Variants in SLC35F1 observed in about 807,000 individuals in gnomAD.
SLC35F1 encodes the protein solute carrier family 35 member F1.
A neutral mutation model predicts 48.7 loss-of-function variants in SLC35F1; 14 were observed. The ratio of observed to expected loss-of-function variants is 0.29; its 90% CI spans 0.19 to 0.45. The LOEUF is 0.45. SLC35F1 is among the 20% of genes least tolerant of loss of function. The pLI is 1.00. For missense variants in SLC35F1, 404 were observed against 500.0 expected (o/e 0.81, Z 1.83); for synonymous variants, 190 against 202.2 (o/e 0.94, Z 0.51).
At chr6:118,154,358 C>A (rs958550217) in intron 1 of SLC35F1, 87 bp from the exon 2 acceptor site, 6 of 1,140,554 alleles carry the variant, frequency 5.3e-6, no homozygotes, top group South Asian at 1.6e-5. Flanking sequence ...CCAGTGCATG[C>A]TACCAGTGCT....
chr6:118,291,268 C>T (rs1172756349), intron 7 of SLC35F1, among the ~76,000 whole-genome samples: 2 of 151,608 alleles, frequency 1.3e-5, no homozygotes, highest in African/African-American at 4.9e-5. Context: ...CACACACACA[C>T]ACACACACAC....
chr6:118,103,133 A>T (rs12209804), intron 1 of SLC35F1, among the ~76,000 whole-genome samples: 32,041 of 152,096 alleles, frequency 0.21, 3,545 homozygotes, highest in East Asian at 0.32. Flanking sequence ...TATATTTCTA[A>T]TGCAAAATTG....
chr6:118,044,624 GAATAGCCAAAATAATTACCAATT>G (rs1772274017), intron 1 of SLC35F1, among the ~76,000 whole-genome samples: 1 of 152,008 alleles, frequency 6.6e-6, no homozygotes. Flanking sequence ...TTGCATAGCT[GAATAGCCAAAATAATTACCAATT>G]AATAGCCAAA....
At chr6:117,923,951 A>G (rs543198212) in intron 1 of SLC35F1, among the ~76,000 whole-genome samples, 1 of 150,314 alleles carries the variant, frequency 6.7e-6, no homozygotes, top group South Asian at 2.1e-4. Flanking sequence ...TTGACACTTT[A>G]TATATACATA....
intron 1 of SLC35F1, among the ~76,000 whole-genome samples, chr6:117,974,347 A>T (rs1280174527): frequency 6.6e-6 from 1 of 152,188 alleles, no homozygotes; most frequent in African/African-American, 2.4e-5. Flanking sequence ...TTTTCACATG[A>T]TAGATACTCA....
At chr6:118,023,224 A>C (rs1419418046) in intron 1 of SLC35F1, among the ~76,000 whole-genome samples, 2 of 152,324 alleles carry the variant, frequency 1.3e-5, no homozygotes, top group Admixed American at 1.3e-4. Flanking sequence ...CTTAAAAGTC[A>C]GTGAAGGAGA....
At chr6:117,955,610 C>G (rs1472077094) in intron 1 of SLC35F1, among the ~76,000 whole-genome samples, 1 of 152,170 alleles carries the variant, frequency 6.6e-6, no homozygotes, top group Non-Finnish European at 1.5e-5. Flanking sequence ...GTTCCAAGAA[C>G]TTTCTCCATC....
At chr6:118,302,752 C>A (rs1472929988) in intron 7 of SLC35F1, among the ~76,000 whole-genome samples, 1 of 151,986 alleles carries the variant, frequency 6.6e-6, no homozygotes, top group Admixed American at 6.6e-5. Context: ...AAGAAACTAG[C>A]AATGTTATTG....
chr6:118,059,091 G>A (rs778492733), intron 1 of SLC35F1, among the ~76,000 whole-genome samples: 2 of 152,176 alleles, frequency 1.3e-5, no homozygotes, highest in Non-Finnish European at 2.9e-5. Flanking sequence ...CAGTAAAAAT[G>A]CATTCCACAC....
rs775424691 is a variant in SLC35F1 at position 118,235,562 on chromosome 6, T to C, written c.403T>C (p.Leu135=). The change falls in exon 3 of 8, where the codon TTG becomes CTG. Residue 135 remains leucine (L), a synonymous_variant. Transcript: ENST00000360388. ...ACGAAGATGGTGGAAGTACATGATT[T>C]TGGGACTCATAGACCTGGAAGCAAA... ...LRRRWWKYMI[L]GLIDLEANYL... 19 of 1,613,526 alleles carry C rather than the reference T, an allele frequency of 1.2e-5. No homozygotes were observed. In the African/African-American group the frequency reaches 2.3e-4, roughly 19 times the overall value.
At chr6:117,959,900 TAGAG>T (rs1173607123) in intron 1 of SLC35F1, among the ~76,000 whole-genome samples, 1 of 152,322 alleles carries the variant, frequency 6.6e-6, no homozygotes, top group Non-Finnish European at 1.5e-5. Context: ...TTTTCATTTT[TAGAG>T]AGAGGAAAAC....
chr6:118,179,902 T>A (rs748939378), intron 2 of SLC35F1, among the ~76,000 whole-genome samples: 2 of 152,084 alleles, frequency 1.3e-5, no homozygotes, highest in Non-Finnish European at 2.9e-5. Flanking sequence ...GTTGCCAATA[T>A]GGCATTCAAA....
At position 118,286,775 on chromosome 6, in the gene SLC35F1, C is replaced by CTGTG. The variant is rs372641234; in HGVS notation, c.1002+1463_1002+1466dup. Reference sequence around the variant, plus strand: ...ATCACCTCACATAGTTACCTTTTTTCTGTGTGTGTGTGTGTGTGTGTGTGT... The same window carrying CTGTG: ...ATCACCTCACATAGTTACCTTTTTTCTGTGTGTGTGTGTGTGTGTGTGTGTGTGT... On this transcript the variant is annotated intron_variant, in intron 7 of 7. Coordinates refer to ENST00000360388, the MANE Select transcript of SLC35F1 (RefSeq NM_001029858.4). Among the ~76,000 whole-genome samples, 631 of 143,660 alleles carry CTGTG rather than the reference C, an allele frequency of 4.4e-3. 4 individuals are homozygous for CTGTG. The highest frequency in any genetic ancestry group is 0.012 in the African/African-American group (445 of 38,360). The allele number at this position is 143,660 out of a possible 152,430, so 94.2% of individuals were successfully genotyped here.
chr6:118,205,409 C>T (rs1214074202), intron 2 of SLC35F1, among the ~76,000 whole-genome samples: 1 of 152,232 alleles, frequency 6.6e-6, no homozygotes, highest in Non-Finnish European at 1.5e-5. Flanking sequence ...CTTTCTCTAA[C>T]ATTGTTGGTC....
chr6:117,938,045 TG>T (rs1387216629), intron 1 of SLC35F1, among the ~76,000 whole-genome samples: 1 of 152,148 alleles, frequency 6.6e-6, no homozygotes, highest in Non-Finnish European at 1.5e-5. Flanking sequence ...TGGCATAAAA[TG>T]ACATCAAAAC....
chr6:118,300,823 A>T (rs947659743), intron 7 of SLC35F1, among the ~76,000 whole-genome samples: 7 of 152,218 alleles, frequency 4.6e-5, no homozygotes, highest in African/African-American at 1.7e-4. Context: ...TTATTTTTTA[A>T]ATAAGTACAT....
chr6:118,024,010 A>C (rs1777431983), intron 1 of SLC35F1, among the ~76,000 whole-genome samples: 1 of 152,320 alleles, frequency 6.6e-6, no homozygotes, highest in African/African-American at 2.4e-5. Flanking sequence ...TTAATTTTGA[A>C]GAGTCTTCTT....
intron 1 of SLC35F1, among the ~76,000 whole-genome samples, chr6:118,116,732 A>G (rs1298397248): frequency 6.6e-6 from 1 of 152,168 alleles, no homozygotes; most frequent in Non-Finnish European, 1.5e-5. Context: ...CAACTTCTCA[A>G]ACTTGCTCAA....
chr6:118,214,736 C>T (rs457210), intron 2 of SLC35F1, among the ~76,000 whole-genome samples: 10,117 of 152,124 alleles, frequency 0.067, 398 homozygotes, highest in South Asian at 0.12. Context: ...AATGGGAAAG[C>T]ATTCCCTGGG....
Sources: allele counts gnomAD v4.1 joint callset (sites outside exome capture counted in the v4.1 genomes callset), GRCh38; gene constraint gnomAD v4.1.1; transcripts MANE v1.5; gene names NCBI Gene and HGNC (gene_info 2026-07-23, HGNC 2026-07-21).